The following NRXN3 variants were observed in gnomAD, a reference collection of about 807,000 sequenced individuals.
NRXN3 encodes neurexin III.
In NRXN3, 32 loss-of-function variants were observed where a neutral mutation model predicts 137.6. That is an observed-to-expected ratio of 0.23 (90% confidence interval 0.18 to 0.31). The LOEUF is 0.31. NRXN3 is among the 10% of genes least tolerant of loss of function. NRXN3 has a pLI of 1.00. For synonymous variants in NRXN3, 798 were observed against 784.5 expected (o/e 1.02, Z -0.29); for missense variants, 1,574 against 2,062.5 (o/e 0.76, Z 4.59).
chr14:79,319,388 G>A (rs1010475527), intron 15 of NRXN3, among the ~76,000 whole-genome samples: 1 of 152,160 alleles, frequency 6.6e-6, no homozygotes, highest in Non-Finnish European at 1.5e-5. Context: ...TTTAAACACT[G>A]ATCAAAGGCA....
intron 10 of NRXN3, among the ~76,000 whole-genome samples, chr14:78,827,456 T>G (rs1481886539): frequency 6.6e-6 from 1 of 152,206 alleles, no homozygotes; most frequent in Non-Finnish European, 1.5e-5. Context: ...GGAAAACTAT[T>G]GGATGCCATC....
intron 15 of NRXN3, among the ~76,000 whole-genome samples, chr14:79,331,317 A>G (rs2091652372): frequency 6.6e-6 from 1 of 152,052 alleles, no homozygotes; most frequent in Non-Finnish European, 1.5e-5. Context: ...TATATTCCTA[A>G]CCTCTCCACA....
intron 15 of NRXN3, among the ~76,000 whole-genome samples, chr14:79,066,317 C>T (rs1036038801): frequency 1.3e-5 from 2 of 152,040 alleles, no homozygotes; most frequent in African/African-American, 4.8e-5. Flanking sequence ...GGTCTTATGT[C>T]TGAGTTCTCT....
intron 15 of NRXN3, among the ~76,000 whole-genome samples, chr14:78,997,581 A>G (rs1233628865): frequency 6.6e-6 from 1 of 152,242 alleles, no homozygotes; most frequent in African/African-American, 2.4e-5. Context: ...CTTGTAAAAT[A>G]GAAATAATAA....
chr14:79,173,682 A>ACCG (rs2062017779), intron 15 of NRXN3, among the ~76,000 whole-genome samples: 1 of 152,152 alleles, frequency 6.6e-6, no homozygotes, highest in African/African-American at 2.4e-5. Flanking sequence ...TGGACAAATT[A>ACCG]GGTGTCTTAA....
At chr14:79,574,304 TAA>T (rs947113379) in intron 16 of NRXN3, among the ~76,000 whole-genome samples, 1 of 152,002 alleles carries the variant, frequency 6.6e-6, no homozygotes, top group Non-Finnish European at 1.5e-5. Context: ...GCATAAAGGT[TAA>T]GAGTGTAAAT....
chr14:79,068,807 C>T (rs954976946), intron 15 of NRXN3, among the ~76,000 whole-genome samples: 4 of 151,976 alleles, frequency 2.6e-5, no homozygotes, highest in Non-Finnish European at 4.4e-5. Flanking sequence ...GTCTAAATAA[C>T]GTACTCCAGT....
intron 19 of NRXN3, among the ~76,000 whole-genome samples, chr14:79,796,946 A>C (rs1258661646): frequency 6.6e-6 from 1 of 152,114 alleles, no homozygotes; most frequent in Non-Finnish European, 1.5e-5. Context: ...GCAACTAATC[A>C]GTGTTTTCTG....
At position 78,943,614 on chromosome 14, in the gene NRXN3, AAAAAAAAATATATATATATAT is replaced by A. The variant is rs1415805089; in HGVS notation, c.2276-13626_2276-13606del. Among the ~76,000 whole-genome samples the A allele has an allele frequency of 5.0e-3, 220 of 44,152 alleles. 6 individuals carry two copies. The highest frequency in any genetic ancestry group is 8.0e-3 in the Non-Finnish European group (187 of 23,426). The allele number at this position is 44,152 out of a possible 152,430, so 29.0% of individuals were successfully genotyped here. A position where few individuals can be genotyped will look rare whatever the true frequency, so the allele number is the denominator to read the frequency against. On this transcript the variant is annotated intron_variant, in intron 10 of 20. Coordinates refer to ENST00000335750, the MANE Select transcript of NRXN3 (RefSeq NM_001330195.2). ...GAAAAGAAGCAAGATCACTGTTAAA[AAAAAAAAATATATATATATAT>A]ATATATATATATATATATATATATA...
intron 10 of NRXN3, among the ~76,000 whole-genome samples, chr14:78,864,471 G>A (rs908950947): frequency 5.9e-5 from 9 of 152,116 alleles, no homozygotes; most frequent in Non-Finnish European, 1.0e-4. Flanking sequence ...TTTTAAAAAT[G>A]TGAATTATTG....
chr14:78,454,853 A>G (rs904481743), intron 4 of NRXN3, among the ~76,000 whole-genome samples: 8 of 152,156 alleles, frequency 5.3e-5, no homozygotes, highest in Admixed American at 2.0e-4. Flanking sequence ...AGCAAAATCT[A>G]TGGGTGGTGA....
At chr14:79,743,980 TACTG>T (rs1395631184) in intron 19 of NRXN3, among the ~76,000 whole-genome samples, 1 of 152,242 alleles carries the variant, frequency 6.6e-6, no homozygotes, top group African/African-American at 2.4e-5. Context: ...ATCAATTTTA[TACTG>T]ACTAAGATGA....
chr14:79,766,578 T>A (rs902947429), intron 19 of NRXN3, among the ~76,000 whole-genome samples: 24 of 152,320 alleles, frequency 1.6e-4, no homozygotes, highest in African/African-American at 4.8e-4. Flanking sequence ...GGATTCAATT[T>A]AAAAAGTTGA....
chr14:78,856,143 A>T (rs59497550), intron 10 of NRXN3, among the ~76,000 whole-genome samples: 2,392 of 152,308 alleles, frequency 0.016, 65 homozygotes, highest in African/African-American at 0.055. Context: ...GCCTACAGGC[A>T]TTCCACAGGA....
chr14:79,087,575 C>A (rs2048365207), intron 15 of NRXN3, among the ~76,000 whole-genome samples: 1 of 152,108 alleles, frequency 6.6e-6, no homozygotes, highest in Non-Finnish European at 1.5e-5. Flanking sequence ...GTGGTGATAC[C>A]TTATTAGAGT....
chr14:78,782,986 C>T (rs1161415286), intron 8 of NRXN3, among the ~76,000 whole-genome samples: 1 of 152,186 alleles, frequency 6.6e-6, no homozygotes, highest in South Asian at 2.1e-4. Flanking sequence ...AGTAGACAAA[C>T]ACCACATTAA....
chr14:79,818,179 G>A lies in NRXN3; in HGVS notation c.4093+12989G>A, dbSNP rs1169301642. Reference sequence around the variant, plus strand: ...CGCCATTCTCCTGCCTCAGCCTCCCGAGTAGCTGGGACTACAGGTGCCCGC... The same window carrying A: ...CGCCATTCTCCTGCCTCAGCCTCCCAAGTAGCTGGGACTACAGGTGCCCGC... On this transcript the variant is annotated intron_variant, in intron 20 of 20. Coordinates refer to ENST00000335750, the MANE Select transcript of NRXN3 (RefSeq NM_001330195.2). Among the ~76,000 whole-genome samples, 4 of 145,032 alleles carry A rather than the reference G, an allele frequency of 2.8e-5. No individual in the cohort carries two copies. In the South Asian group the frequency reaches 7.0e-4, roughly 25 times the overall value.
chr14:78,483,155 C>T (rs972339258), intron 4 of NRXN3, among the ~76,000 whole-genome samples: 1 of 152,180 alleles, frequency 6.6e-6, no homozygotes, highest in African/African-American at 2.4e-5. Flanking sequence ...ACTATTATCA[C>T]ATCAAGACTT....
intron 19 of NRXN3, among the ~76,000 whole-genome samples, chr14:79,704,527 A>AGACAAG (rs1567948560): frequency 1.3e-5 from 2 of 152,052 alleles, no homozygotes; most frequent in Admixed American, 1.3e-4. Context: ...TGCTTTTACC[A>AGACAAG]CTAGACAACA....
Sources: allele counts gnomAD v4.1 joint callset (sites outside exome capture counted in the v4.1 genomes callset), GRCh38; gene constraint gnomAD v4.1.1; transcripts MANE v1.5; gene names NCBI Gene and HGNC (gene_info 2026-07-23, HGNC 2026-07-21).